Variants in HAPLN1 observed in about 807,000 individuals in gnomAD.
The protein encoded by HAPLN1 is Cartilage link protein.
A neutral mutation model predicts 36.5 loss-of-function variants in HAPLN1; 13 were observed. The observed-to-expected ratio is 0.36, with a 90% CI of 0.23 to 0.57. The LOEUF is 0.57. Among genes scored for constraint, HAPLN1 ranks in the 20% least tolerant of loss-of-function variants. HAPLN1 has a pLI of 0.83. For synonymous variants in HAPLN1, 202 were observed against 169.8 expected (o/e 1.19, Z -1.48); for missense variants, 407 against 439.7 (o/e 0.93, Z 0.66).
chr5:83,695,961 G>T (rs917381933), intron 1 of HAPLN1, among the ~76,000 whole-genome samples: 18 of 151,960 alleles, frequency 1.2e-4, no homozygotes, highest in African/African-American at 4.1e-4. Flanking sequence ...AAGTCAAACA[G>T]ATTGGAAAGG....
At chr5:83,661,865 T>C (rs1750405422) in intron 2 of HAPLN1, among the ~76,000 whole-genome samples, 1 of 152,214 alleles carries the variant, frequency 6.6e-6, no homozygotes, top group Admixed American at 6.5e-5. Flanking sequence ...TATTGCATCA[T>C]GCAAAAGATG....
intron 1 of HAPLN1, among the ~76,000 whole-genome samples, chr5:83,690,927 A>C (rs1228666002): frequency 6.6e-6 from 1 of 151,982 alleles, no homozygotes; most frequent in Non-Finnish European, 1.5e-5. Context: ...GAAAAGCAAA[A>C]CTATGAAAAT....
chr5:83,696,713 C>T (rs1751394515), intron 1 of HAPLN1, among the ~76,000 whole-genome samples: 2 of 151,962 alleles, frequency 1.3e-5, no homozygotes, highest in African/African-American at 4.8e-5. Flanking sequence ...TAAATATATA[C>T]ATTTGATAGA....
chr5:83,703,545 A>T (rs886826818), intron 1 of HAPLN1: 1 of 152,142 alleles, frequency 6.6e-6, no homozygotes, highest in African/African-American at 2.4e-5. Context: ...CATATTTTTC[A>T]TAAGTATTAT....
intron 1 of HAPLN1, among the ~76,000 whole-genome samples, chr5:83,687,621 AC>A (rs1461651242): frequency 1.3e-5 from 2 of 152,332 alleles, no homozygotes; most frequent in East Asian, 3.9e-4. Context: ...AATGCAACTG[AC>A]TTGACGAGAG....
intron 2 of HAPLN1, among the ~76,000 whole-genome samples, chr5:83,662,123 G>A (rs1243451988): frequency 2.6e-5 from 4 of 151,566 alleles, no homozygotes; most frequent in Non-Finnish European, 5.9e-5. Flanking sequence ...GGCTGGTCTT[G>A]TACTCCTGGC....
intron 1 of HAPLN1, among the ~76,000 whole-genome samples, chr5:83,714,031 G>A (rs1471369949): frequency 6.6e-6 from 1 of 152,186 alleles, no homozygotes; most frequent in African/African-American, 2.4e-5. Flanking sequence ...GCTGGGGAAC[G>A]GTTTGGGTTT....
In HAPLN1 at chr5:83,709,679, C is replaced by T. The variant is rs189371915; in HGVS notation, c.-27+11110G>A. Among the ~76,000 whole-genome samples, 536 of 152,242 alleles carry T rather than the reference C, an allele frequency of 3.5e-3. 1 individual carries two copies. Among genetic ancestry groups the T allele is most frequent in the Middle Eastern group, 0.014 (4 of 294 alleles). ...AGAGCTCAAGCCAGGTCACTAAGAA[C>T]CTTGCAAATCACTTAAAATAATTTG... On this transcript the variant is annotated intron_variant, in intron 1 of 4. Coordinates refer to ENST00000274341, the MANE Select transcript of HAPLN1 (RefSeq NM_001884.4).
In HAPLN1 at chr5:83,641,899, T is replaced by G. The variant is rs958677765; in HGVS notation, c.776-114A>C. On this transcript the variant is annotated intron_variant, in intron 4 of 4. Coordinates refer to ENST00000274341, the MANE Select transcript of HAPLN1 (RefSeq NM_001884.4). ...ATGAAGGGGGATATAGAGCAATGTT[T>G]GTAAAATTTTGGGAACATAGAAATG... 9 of 1,111,448 alleles carry G rather than the reference T, an allele frequency of 8.1e-6. No individual in the cohort carries two copies. The African/African-American group carries it at 1.4e-4, about 18-fold the overall frequency. 68.8% of individuals were successfully genotyped at this position (1,111,448 alleles called of 1,614,324 possible). A position where few individuals can be genotyped will look rare whatever the true frequency, so the allele number is the denominator to read the frequency against.
chr5:83,704,117 A>G (rs1751575252), intron 1 of HAPLN1, among the ~76,000 whole-genome samples: 2 of 152,110 alleles, frequency 1.3e-5, no homozygotes, highest in Non-Finnish European at 2.9e-5. Context: ...CAAAAAAAAA[A>G]AAAAAATCTT....
At chr5:83,641,923 T>C (rs554181412) in intron 4 of HAPLN1, 138 bp from the exon 5 acceptor site, 277 of 870,480 alleles carry the variant, frequency 3.2e-4, no homozygotes, top group Non-Finnish European at 4.5e-4. Context: ...AACATAGAAA[T>C]GTCAATTAAA....
At position 83,644,591 on chromosome 5, in the gene HAPLN1, C is replaced by G. The variant is rs951848647; in HGVS notation, c.547G>C (p.Asp183His). The change falls in exon 4 of 5, where the codon GAC becomes CAC. Residue 183 changes from aspartate to histidine, a missense_variant. By Grantham distance (81) the Asp-to-His change is moderately conservative (BLOSUM62 -1). Coordinates refer to ENST00000274341, the MANE Select transcript of HAPLN1 (RefSeq NM_001884.4). The stretch of plus-strand genomic sequence containing the variant: ...AAGGAGGCGATCACAGCATCCTGGT[C>G]CAGACACGCCTGCTGCGCCTCGTGA... ...NFHEAQQACL[D>H]QDAVIASFDQ... 2 of 1,564,188 alleles carry G rather than the reference C, an allele frequency of 1.3e-6. No homozygotes were observed. The highest frequency in any genetic ancestry group is 1.7e-6 in the Non-Finnish European group (2 of 1,154,222).
At chr5:83,698,305 AT>A (rs1442602948) in intron 1 of HAPLN1, among the ~76,000 whole-genome samples, 5 of 61,152 alleles carry the variant, frequency 8.2e-5, no homozygotes, top group African/African-American at 2.9e-4. Flanking sequence ...ATTGTATGTT[AT>A]TTTTTTCTTT....
rs372572637 is a variant in HAPLN1 at position 83,714,389 on chromosome 5, ATACT to A, written c.-27+6396_-27+6399del. ...AAAAAAAACTACATAAATTAATGAA[ATACT>A]TAATAAAATATGGCTATGATTATGC... is the stretch of plus-strand genomic sequence containing the variant. On this transcript the variant is annotated intron_variant, in intron 1 of 4. Coordinates refer to ENST00000274341, the MANE Select transcript of HAPLN1 (RefSeq NM_001884.4). Among the ~76,000 whole-genome samples, 530 of 152,338 alleles carry A rather than the reference ATACT, an allele frequency of 3.5e-3. 2 individuals carry two copies. The highest frequency in any genetic ancestry group is 5.0e-3 in the Non-Finnish European group (342 of 68,030).
chr5:83,658,894 T>C (rs1450020196), intron 2 of HAPLN1, among the ~76,000 whole-genome samples: 3 of 152,194 alleles, frequency 2.0e-5, no homozygotes, highest in African/African-American at 4.8e-5. Context: ...GCAGAGGATC[T>C]TGAGTCTCTA....
At chr5:83,691,727 A>G (rs1340753428) in intron 1 of HAPLN1, among the ~76,000 whole-genome samples, 1 of 151,972 alleles carries the variant, frequency 6.6e-6, no homozygotes, top group Non-Finnish European at 1.5e-5. Flanking sequence ...TGGGCTTACA[A>G]AGAAGCAGGG....
At chr5:83,655,518 G>A (rs1013618818) in intron 2 of HAPLN1, among the ~76,000 whole-genome samples, 2 of 41,654 alleles carry the variant, frequency 4.8e-5, no homozygotes, top group African/African-American at 1.9e-4. Flanking sequence ...TCACTTTGGG[G>A]TGTGTGTGTG....
At chr5:83,686,193 C>T (rs1259022918) in intron 1 of HAPLN1, among the ~76,000 whole-genome samples, 2 of 149,288 alleles carry the variant, frequency 1.3e-5, no homozygotes, top group African/African-American at 2.5e-5. Context: ...GTCAAATTAC[C>T]GATCTCATTT....
At chr5:83,659,961 G>A (rs1230056512) in intron 2 of HAPLN1, among the ~76,000 whole-genome samples, 1 of 151,880 alleles carries the variant, frequency 6.6e-6, no homozygotes, top group African/African-American at 2.4e-5. Context: ...TGGTCTCACA[G>A]GCTACGAGAT....
Sources: allele counts gnomAD v4.1 joint callset (sites outside exome capture counted in the v4.1 genomes callset), GRCh38; gene constraint gnomAD v4.1.1; transcripts MANE v1.5; gene names NCBI Gene and HGNC (gene_info 2026-07-23, HGNC 2026-07-21).